Variants in PSD4 observed in about 807,000 individuals in gnomAD.
PSD4 encodes the protein PH and SEC7 domain-containing protein 4.
A neutral mutation model predicts 112.5 loss-of-function variants in PSD4; 59 were observed. The observed-to-expected ratio is 0.52, with a 90% CI of 0.43 to 0.65. PSD4 has a LOEUF of 0.65. Ranked by LOEUF, PSD4 falls within the 30% of genes least tolerant of loss-of-function variation. PSD4 has a pLI of 0.00. For missense variants in PSD4, 1,267 were observed against 1,352.6 expected (o/e 0.94, Z 0.99); for synonymous variants, 533 against 540.0 (o/e 0.99, Z 0.18).
intron 12 of PSD4, 99 bp from the exon 13 acceptor site, chr2:113,197,465 G>T (rs1487480096): frequency 3.3e-6 from 4 of 1,221,076 alleles, no homozygotes; most frequent in Non-Finnish European, 4.8e-6. Flanking sequence ...ACTGGAGGTG[G>T]TGTGAGGGAC....
chr2:113,184,481 C>G (rs1008957194), intron 2 of PSD4, among the ~76,000 whole-genome samples: 1 of 150,724 alleles, frequency 6.6e-6, no homozygotes, highest in Non-Finnish European at 1.5e-5. Context: ...TCAAGCGATT[C>G]ACCTGCCTCA....
Position 113,186,222 on chromosome 2 carries a change from T to C in PSD4, c.1595T>C (p.Val532Ala), listed in dbSNP as rs757432867. ...GTARPAETGD[V>A]QPDIHLTSAE... ...GCCAGGCCTGCAGAGACTGGAGACGTCCAGCCTGACATTCACCTGACTTCT... is the reference window on the plus strand; with the variant it reads ...GCCAGGCCTGCAGAGACTGGAGACGCCCAGCCTGACATTCACCTGACTTCT... Residue 532 changes from valine to alanine, a missense_variant, in exon 5 of 17, where the codon GTC (valine) becomes GCC (alanine). By Grantham distance (64) the Val-to-Ala change is moderately conservative (BLOSUM62 0). Transcript: ENST00000245796. 10 of 1,602,336 alleles carry C rather than the reference T, an allele frequency of 6.2e-6. No individual in the cohort carries two copies. Among genetic ancestry groups the C allele is most frequent in the Non-Finnish European group, 7.7e-6 (9 of 1,172,814 alleles).
Position 113,207,175 on chromosome 2 carries a change from G to A in PSD4, c.*5760G>A, listed in dbSNP as rs1404207128. 3.3e-5 allele frequency: 5 copies of A among 152,112 alleles called. No individual in the cohort carries two copies. Among genetic ancestry groups the A allele is most frequent in the Admixed American group, 6.5e-5 (1 of 15,276 alleles). The allele number at this position is 152,112 out of a possible 1,614,324, so 9.4% of individuals were successfully genotyped here. The stretch of plus-strand genomic sequence containing the variant: ...TAGTCTCCTGTAGCAGCCTGCCTTG[G>A]GCCGTGTGCCCATATCTGAGCCAGT... On this transcript the variant is annotated 3_prime_UTR_variant, in exon 17 of 17. Transcript: ENST00000245796.
At chr2:113,179,056 G>A (rs988608330) in intron 1 of PSD4, among the ~76,000 whole-genome samples, 1 of 152,166 alleles carries the variant, frequency 6.6e-6, no homozygotes, top group Non-Finnish European at 1.5e-5. Flanking sequence ...CTGGTGTCTT[G>A]AGGAGGCGCA....
At chr2:113,178,121 G>C (rs1297557960) in intron 1 of PSD4, among the ~76,000 whole-genome samples, 1 of 152,182 alleles carries the variant, frequency 6.6e-6, no homozygotes, top group Non-Finnish European at 1.5e-5. Context: ...GGGAGGCTGA[G>C]ACAGGAGAAT....
chr2:113,197,396 C>G (rs1573376149), intron 12 of PSD4, 168 bp from the exon 13 acceptor site: 1 of 727,100 alleles, frequency 1.4e-6, no homozygotes, highest in Non-Finnish European at 2.4e-6. Flanking sequence ...TGTTTGTTTA[C>G]GATTGTATGT....
Position 113,182,463 on chromosome 2 carries a change from G to C in PSD4, c.7G>C (p.Gly3Arg). The C allele has an allele frequency of 6.2e-7, 1 of 1,607,238 alleles. No individual in the cohort carries two copies. The highest frequency in any genetic ancestry group is 8.5e-7 in the Non-Finnish European group (1 of 1,175,600). Residue 3 changes from glycine (G) to arginine (R), a missense_variant, in exon 2 of 17, where the codon GGT (glycine) becomes CGT (arginine). Physicochemically the swap from Gly to Arg is moderately radical, Grantham distance 125. Transcript: ENST00000245796. MM[G>R]DYRLPDHPQP... is the part of the protein sequence containing the mutation. ...GGCAGCTTTTGCTCAGTGGATGATG[G>C]GTGACTACAGACTCCCTGACCACCC...
At chr2:113,199,269 C>G (rs1688709211) in intron 16 of PSD4, 43 bp downstream of exon 16, 1 of 1,404,302 alleles carries the variant, frequency 7.1e-7, no homozygotes, top group African/African-American at 1.5e-5. Context: ...GCAGCGCCCT[C>G]TCCGCCCTCT....
At chr2:113,192,728 C>G in intron 6 of PSD4, 139 bp downstream of exon 6, 1 of 876,218 alleles carries the variant, frequency 1.1e-6, no homozygotes, top group African/African-American at 1.7e-5. Flanking sequence ...ACTTTTCCCC[C>G]ATACCCTCAC....
In PSD4 at chr2:113,205,178, GGCTGGTCTC is replaced by G. The variant is rs1390382717; in HGVS notation, c.*3764_*3772del. On this transcript the variant is annotated 3_prime_UTR_variant, in exon 17 of 17. Transcript: ENST00000245796. ...AGACAGGGTTTCACCATGTTGGTCA[GGCTGGTCTC>G]AAACTCCTGACCTCAAGTGATCCAG... 2.0e-5 allele frequency: 3 copies of G among 152,090 alleles called. No homozygotes were observed. In the East Asian group the frequency reaches 5.8e-4, roughly 30 times the overall value. 9.4% of individuals were successfully genotyped at this position (152,090 alleles called of 1,614,324 possible).
chr2:113,201,002 A>T (rs189468751), intron 16 of PSD4, among the ~76,000 whole-genome samples, 156 bp from the exon 17 acceptor site: 1 of 152,236 alleles, frequency 6.6e-6, no homozygotes, highest in African/African-American at 2.4e-5. Flanking sequence ...TGCTTATCCA[A>T]GCATTATACT....
At chr2:113,192,051 G>A (rs186269516) in intron 5 of PSD4, among the ~76,000 whole-genome samples, 311 of 151,832 alleles carry the variant, frequency 2.0e-3, no homozygotes, top group Middle Eastern at 3.4e-3. Flanking sequence ...ACAATCCCAC[G>A]TGCCTTGCAT....
chr2:113,180,322 C>T (rs1688094191), intron 1 of PSD4, among the ~76,000 whole-genome samples: 1 of 152,226 alleles, frequency 6.6e-6, no homozygotes, highest in African/African-American at 2.4e-5. Flanking sequence ...TTGTATGTGG[C>T]AGGACGAGGG....
At chr2:113,189,366 T>TATATATAC (rs1553475554) in intron 5 of PSD4, among the ~76,000 whole-genome samples, 1 of 150,312 alleles carries the variant, frequency 6.7e-6, no homozygotes, top group African/African-American at 2.4e-5. Flanking sequence ...TATATATATA[T>TATATATAC]ACACACACAC....
intron 10 of PSD4, 137 bp downstream of exon 10, chr2:113,194,085 T>A (rs1299877308): frequency 2.6e-6 from 2 of 774,276 alleles, no homozygotes; most frequent in Non-Finnish European, 4.1e-6. Context: ...ATTGAAGGGC[T>A]AGTAAAAGTG....
rs534470222 is a variant in PSD4, at chr2:113,188,779, C to A, written c.1628+2524C>A. On this transcript the variant is annotated intron_variant, in intron 5 of 16. Coordinates refer to ENST00000245796, the MANE Select transcript of PSD4 (RefSeq NM_012455.3). ...GTATTTTTAGTAGAGACGGGGTTTC[C>A]CCGTGGTCTTGATCTCCTGACCTCG... Among the ~76,000 whole-genome samples, 48 of 152,098 alleles carry A rather than the reference C, an allele frequency of 3.2e-4. 1 individual carries two copies. Among genetic ancestry groups the A allele is most frequent in the Admixed American group, 8.5e-4 (13 of 15,268 alleles).
At position 113,185,937 on chromosome 2, in the gene PSD4, G is replaced by T; in HGVS notation, c.1310G>T (p.Trp437Leu). ...SLPCTLAPCP[W>L]RSPASSPEPS... ...CCCTGCACCTTGGCCCCCTGCCCCT[G>T]GAGGAGCCCAGCTTCTTCTCCAGAG... The change falls in exon 5 of 17, where the codon TGG becomes TTG. Residue 437 changes from tryptophan (W) to leucine (L), a missense_variant. By Grantham distance (61) the Trp-to-Leu change is moderately conservative. Around this residue, in one of 2 missense-constraint regions of PSD4, gnomAD observed 723 missense variants for 704.0 expected, o/e 1.03. Coordinates refer to ENST00000245796, the MANE Select transcript of PSD4 (RefSeq NM_012455.3). 2 of 1,613,908 alleles carry T rather than the reference G, an allele frequency of 1.2e-6. No homozygotes were observed. Among genetic ancestry groups the T allele is most frequent in the Non-Finnish European group, 1.7e-6 (2 of 1,179,844 alleles).
At chr2:113,175,752 G>A (rs1368099621) in intron 1 of PSD4, among the ~76,000 whole-genome samples, 1 of 152,206 alleles carries the variant, frequency 6.6e-6, no homozygotes, top group Non-Finnish European at 1.5e-5. Context: ...CCTTGAGGAG[G>A]CTGAGAGCTG....
intron 3 of PSD4, 48 bp from the exon 4 acceptor site, chr2:113,185,317 T>C (rs112345839): frequency 6.2e-7 from 1 of 1,609,112 alleles, no homozygotes; most frequent in Non-Finnish European, 8.5e-7. Flanking sequence ...CCCATCCACC[T>C]CTCTGTGTAT....
Sources: gnomAD v4.1 joint callset for allele counts (sites outside exome capture counted in the v4.1 genomes callset) on GRCh38, gnomAD v4.1.1 for gene constraint, gnomAD v4.1.1 regional missense constraint, MANE v1.5 for transcripts, NCBI Gene and HGNC (gene_info 2026-07-23, HGNC 2026-07-21) for gene names.